Variants in SCML2 observed in about 807,000 individuals in gnomAD.
SCML2 encodes sex comb on midleg-like protein 2.
Under a neutral mutation model 48.4 loss-of-function variants are expected in SCML2, and 6 were observed. The observed-to-expected ratio is 0.12, with a 90% CI of 0.07 to 0.24. The LOEUF (loss-of-function observed/expected upper bound fraction) is 0.24. Ranked by LOEUF, SCML2 falls within the 10% of genes least tolerant of loss-of-function variation. SCML2 has a pLI of 1.00. For missense variants in SCML2, 377 were observed against 528.2 expected (o/e 0.71, Z 2.81); for synonymous variants, 181 against 189.5 (o/e 0.95, Z 0.37).
chrX:18,326,834 G>A (rs1162921083), intron 3 of SCML2, among the ~76,000 whole-genome samples: 2 of 111,123 alleles, frequency 1.8e-5, no homozygotes, highest in Non-Finnish European at 3.8e-5. Context: ...AATGTACATG[G>A]TACTAGATAT....
chrX:18,307,760 G>A (rs1326007978), intron 6 of SCML2, among the ~76,000 whole-genome samples: 1 of 110,823 alleles, frequency 9.0e-6, no homozygotes, highest in Non-Finnish European at 1.9e-5. Flanking sequence ...CAGATCATTT[G>A]AGCCCAGGAG....
chrX:18,299,938 C>T (rs747014004), intron 7 of SCML2, among the ~76,000 whole-genome samples: 7 of 110,126 alleles, frequency 6.4e-5, no homozygotes, highest in Non-Finnish European at 9.5e-5. Context: ...CAGAGTCTCA[C>T]TGTGTTGCCC....
chrX:18,285,301 T>G (rs894806495), intron 7 of SCML2, among the ~76,000 whole-genome samples: 1 of 108,927 alleles, frequency 9.2e-6, no homozygotes, highest in African/African-American at 3.3e-5. Flanking sequence ...TGGAATCAAT[T>G]TAGGTGGCCA....
chrX:18,276,733 C>T (rs1268172098), intron 7 of SCML2, among the ~76,000 whole-genome samples: 1 of 111,933 alleles, frequency 8.9e-6, no homozygotes, highest in East Asian at 2.8e-4. Flanking sequence ...CAAAAGGTCA[C>T]ACCTTGTATG....
chrX:18,277,487 G>C (rs1002885402), intron 7 of SCML2, among the ~76,000 whole-genome samples: 1 of 111,674 alleles, frequency 9.0e-6, no homozygotes, highest in Non-Finnish European at 1.9e-5. Context: ...AATAAACAGA[G>C]GCTCAGCAAG....
chrX:18,282,135 A>C (rs372650079), intron 7 of SCML2, among the ~76,000 whole-genome samples: 1 of 111,151 alleles, frequency 9.0e-6, no homozygotes, highest in East Asian at 2.8e-4. Flanking sequence ...AAAAAAACAA[A>C]AACAAAACTG....
chrX:18,340,600 A>C (rs1378086936), intron 1 of SCML2, among the ~76,000 whole-genome samples: 2 of 110,947 alleles, frequency 1.8e-5, no homozygotes, highest in African/African-American at 6.6e-5. Context: ...ACTTGGGGTC[A>C]GGAGTTCAAG....
chrX:18,340,942 T>C (rs1178539293), intron 1 of SCML2, among the ~76,000 whole-genome samples: 2 of 112,129 alleles, frequency 1.8e-5, no homozygotes, highest in African/African-American at 6.5e-5. Flanking sequence ...TTTTTGATAA[T>C]GTTTGATCAC....
intron 11 of SCML2, among the ~76,000 whole-genome samples, 169 bp downstream of exon 11, chrX:18,256,679 A>G (rs1163489243): frequency 9.1e-6 from 1 of 110,388 alleles, no homozygotes; most frequent in East Asian, 2.8e-4. Flanking sequence ...TTCATTATGA[A>G]TACAAGAAAT....
At chrX:18,330,933 C>A (rs944839478) in intron 2 of SCML2, among the ~76,000 whole-genome samples, 1 of 110,583 alleles carries the variant, frequency 9.0e-6, no homozygotes. Flanking sequence ...TAAAACAGGA[C>A]CTGGCATCGC....
rs35589774 is a variant in SCML2, at chrX:18,331,259, C to CAAAAAA, written c.23-610_23-605dup. On this transcript the variant is annotated intron_variant, in intron 2 of 14. Coordinates refer to ENST00000251900, the MANE Select transcript of SCML2 (RefSeq NM_006089.3). ...TGGGTGACAGAGCGAGACTCCGTCTCAAAAAAAAAAAAAAAAAAAAAAAAA... is the reference window on the plus strand; with the variant it reads ...TGGGTGACAGAGCGAGACTCCGTCTCAAAAAAAAAAAAAAAAAAAAAAAAAAAAAAA... 6.1e-3 allele frequency among the ~76,000 whole-genome samples: 100 copies of CAAAAAA among 16,263 alleles called. 19 individuals carry two copies. The highest frequency in any genetic ancestry group is 0.022 in the African/African-American group (90 of 4,106). The allele number at this position is 16,263 out of a possible 115,157, so 14.1% of individuals were successfully genotyped here. A position where few individuals can be genotyped will look rare whatever the true frequency, so the allele number is the denominator to read the frequency against.
chrX:18,304,873 G>C, intron 7 of SCML2, 99 bp downstream of exon 7: 1 of 978,015 alleles, frequency 1.0e-6, no homozygotes, highest in Non-Finnish European at 1.4e-6. Flanking sequence ...GTTGGGGCAT[G>C]TACCACCTGG....
intron 3 of SCML2, among the ~76,000 whole-genome samples, chrX:18,326,593 T>C (rs1929486829): frequency 9.2e-6 from 1 of 108,226 alleles, no homozygotes; most frequent in Non-Finnish European, 1.9e-5. Flanking sequence ...GGCAGCAGAA[T>C]TGCTTGAACT....
chrX:18,272,005 G>GC (rs1927480704), intron 7 of SCML2, among the ~76,000 whole-genome samples: 2 of 110,382 alleles, frequency 1.8e-5, no homozygotes, highest in Admixed American at 1.9e-4. Flanking sequence ...AACCCCGTGA[G>GC]CTTCCTTCAT....
chrX:18,349,810 C>CA (rs777631205), intron 1 of SCML2, among the ~76,000 whole-genome samples: 341 of 109,488 alleles, frequency 3.1e-3, no homozygotes, highest in African/African-American at 0.01. Context: ...AAAAAACAAA[C>CA]AAAAAAAAAC....
intron 7 of SCML2, among the ~76,000 whole-genome samples, chrX:18,295,044 G>A (rs1488843681): frequency 1.8e-5 from 2 of 111,131 alleles, no homozygotes; most frequent in African/African-American, 6.5e-5. Flanking sequence ...GGTTTTCCCT[G>A]CTGCTACCAC....
intron 9 of SCML2, among the ~76,000 whole-genome samples, chrX:18,258,764 T>C (rs1375766509): frequency 9.0e-6 from 1 of 111,093 alleles, no homozygotes; most frequent in Non-Finnish European, 1.9e-5. Context: ...TATTGATATA[T>C]ATTAATATTT....
At chrX:18,334,495 G>C (rs1052303619) in intron 1 of SCML2, among the ~76,000 whole-genome samples, 1 of 111,886 alleles carries the variant, frequency 8.9e-6, no homozygotes, top group Non-Finnish European at 1.9e-5. Context: ...GATTCAAACT[G>C]AGGCCTATTC....
intron 7 of SCML2, among the ~76,000 whole-genome samples, chrX:18,286,656 A>G (rs1401599371): frequency 2.7e-5 from 3 of 110,554 alleles, no homozygotes; most frequent in Non-Finnish European, 5.7e-5. Flanking sequence ...CCACACCTCA[A>G]CCTTGCCTCC....
Sources: gnomAD v4.1 joint callset for allele counts (sites outside exome capture counted in the v4.1 genomes callset) on GRCh38, gnomAD v4.1.1 for gene constraint, MANE v1.5 for transcripts, NCBI Gene and HGNC (gene_info 2026-07-23, HGNC 2026-07-21) for gene names.